The following TASP1 variants were observed in gnomAD, a reference collection of about 807,000 sequenced individuals.
TASP1 encodes the protein threonine aspartase 1.
Under a neutral mutation model 56.6 loss-of-function variants are expected in TASP1, and 16 were observed. The ratio of observed to expected loss-of-function variants is 0.28; its 90% CI spans 0.19 to 0.43. The LOEUF (loss-of-function observed/expected upper bound fraction) is 0.43. Ranked by LOEUF, TASP1 falls within the 20% of genes least tolerant of loss-of-function variation. The probability of loss-of-function intolerance (pLI) is 1.00; values close to 1 mark genes in which losing one functional copy is unlikely to be tolerated. For missense variants in TASP1, 393 were observed against 511.6 expected, an observed-to-expected ratio of 0.77 and a Z score of 2.24; for synonymous variants, 179 against 184.2, an observed-to-expected ratio of 0.97 and a Z score of 0.23.
At chr20:13,411,161 T>G (rs933613932) in intron 13 of TASP1, among the ~76,000 whole-genome samples, 7 of 152,176 alleles carry the variant, frequency 4.6e-5, no homozygotes, top group African/African-American at 1.7e-4. Context: ...TTCTGGATTC[T>G]CTACTCTGTT....
At chr20:13,161,765 T>TA in the TASP1 span, among the ~76,000 whole-genome samples, 3 of 151,992 alleles carry the variant, frequency 2.0e-5, no homozygotes, top group African/African-American at 4.8e-5. Context: ...ACAGAAATAA[T>TA]AAAAAAATAA....
chr20:13,587,231 G>A lies in TASP1; in HGVS notation c.403+19C>T, dbSNP rs1456734885. On this transcript the variant is annotated intron_variant, in intron 5 of 13. Transcript: ENST00000337743. Reference sequence around the variant, plus strand: ...CGTGCATGATTTTCCAAAGATAGTAGGTCATAATGCCCACATACCACTCAG... The same window carrying A: ...CGTGCATGATTTTCCAAAGATAGTAAGTCATAATGCCCACATACCACTCAG... 2 of 1,593,648 alleles carry A rather than the reference G, an allele frequency of 1.3e-6. No individual in the cohort carries two copies. The highest frequency in any genetic ancestry group is 1.7e-6 in the Non-Finnish European group (2 of 1,173,690).
the TASP1 span, among the ~76,000 whole-genome samples, chr20:13,312,743 G>A: frequency 6.6e-6 from 1 of 152,088 alleles, no homozygotes; most frequent in South Asian, 2.1e-4. Context: ...TGCTACTCTG[G>A]GAAATCATCA....
chr20:13,604,853 G>A (rs1366782661), intron 4 of TASP1, among the ~76,000 whole-genome samples: 2 of 152,112 alleles, frequency 1.3e-5, no homozygotes, highest in African/African-American at 4.8e-5. Context: ...ATGGCAAATT[G>A]TTTAGCAGTT....
At chr20:13,381,367 C>T in the TASP1 span, among the ~76,000 whole-genome samples, 31 of 152,296 alleles carry the variant, frequency 2.0e-4, no homozygotes, top group East Asian at 1.4e-3. Context: ...GGTGAGGCTA[C>T]GTGCCACCCT....
At chr20:13,281,053 T>C in the TASP1 span, among the ~76,000 whole-genome samples, 4 of 152,370 alleles carry the variant, frequency 2.6e-5, no homozygotes, top group East Asian at 7.7e-4. Context: ...AGTCATTTCT[T>C]CTCATTAATA....
chr20:13,300,960 C>A, the TASP1 span, among the ~76,000 whole-genome samples: 30 of 152,342 alleles, frequency 2.0e-4, no homozygotes, highest in African/African-American at 6.5e-4. Flanking sequence ...TCTGCAATTA[C>A]AATTATAAGT....
chr20:13,551,653 T>C (rs1473355804), intron 8 of TASP1, among the ~76,000 whole-genome samples: 1 of 152,224 alleles, frequency 6.6e-6, no homozygotes, highest in Non-Finnish European at 1.5e-5. Flanking sequence ...TCTCCTCTTT[T>C]AGCAAGTAAC....
At chr20:13,244,285 T>C in the TASP1 span, 1 of 149,366 alleles carries the variant, frequency 6.7e-6, no homozygotes, top group African/African-American at 2.5e-5. Flanking sequence ...CTGGTTTTCA[T>C]GTGGGCAGAG....
At chr20:13,381,685 C>T in the TASP1 span, among the ~76,000 whole-genome samples, 2 of 152,200 alleles carry the variant, frequency 1.3e-5, no homozygotes, top group Admixed American at 1.3e-4. Flanking sequence ...TCTCCACACT[C>T]TGTTTTAGAT....
the TASP1 span, among the ~76,000 whole-genome samples, chr20:13,272,672 G>A: frequency 6.6e-6 from 1 of 152,170 alleles, no homozygotes; most frequent in African/African-American, 2.4e-5. Flanking sequence ...TGTTTTAATT[G>A]ATAAATTGGA....
At chr20:13,223,578 A>G in the TASP1 span, among the ~76,000 whole-genome samples, 1 of 152,208 alleles carries the variant, frequency 6.6e-6, no homozygotes, top group Non-Finnish European at 1.5e-5. Flanking sequence ...CGCAATTACA[A>G]AACAGTAGAA....
At chr20:13,576,868 T>C (rs1052548230) in intron 6 of TASP1, among the ~76,000 whole-genome samples, 1 of 152,194 alleles carries the variant, frequency 6.6e-6, no homozygotes, top group Non-Finnish European at 1.5e-5. Context: ...CTTTCTCCCA[T>C]ATGTTTTCTC....
chr20:13,441,632 C>A (rs548842223), intron 11 of TASP1, among the ~76,000 whole-genome samples: 157 of 152,212 alleles, frequency 1.0e-3, no homozygotes, highest in African/African-American at 3.6e-3. Context: ...AGGGCCAGGT[C>A]ACAGACAGTG....
chr20:13,134,963 G>A, the TASP1 span, among the ~76,000 whole-genome samples: 1 of 152,132 alleles, frequency 6.6e-6, no homozygotes, highest in African/African-American at 2.4e-5. Flanking sequence ...AATAGGAAAG[G>A]GAGTTTTGCT....
intron 5 of TASP1, 57 bp from the exon 6 acceptor site, chr20:13,581,038 C>A: frequency 1.3e-6 from 2 of 1,528,756 alleles, no homozygotes; most frequent in South Asian, 2.4e-5. Context: ...TTCTAGTTTC[C>A]CACTCAGTTT....
chr20:13,177,207 C>T, the TASP1 span, among the ~76,000 whole-genome samples: 1 of 151,906 alleles, frequency 6.6e-6, no homozygotes, highest in Non-Finnish European at 1.5e-5. Context: ...TGCCACTGCA[C>T]TCCAGCCTGG....
chr20:13,390,674 A>C (rs1568735718), intron 13 of TASP1, among the ~76,000 whole-genome samples: 1 of 152,230 alleles, frequency 6.6e-6, no homozygotes, highest in Non-Finnish European at 1.5e-5. Context: ...CATGCCAAGC[A>C]CAGCACTAGC....
At chr20:13,489,521 T>TA (rs148176387) in intron 10 of TASP1, among the ~76,000 whole-genome samples, 6,523 of 148,862 alleles carry the variant, frequency 0.044, 248 homozygotes, top group African/African-American at 0.095. Context: ...TGGGAAAAAT[T>TA]AAAAAAAAAG....
Sources: gnomAD v4.1 joint callset for allele counts (sites outside exome capture counted in the v4.1 genomes callset) on GRCh38, gnomAD v4.1.1 for gene constraint, MANE v1.5 for transcripts, NCBI Gene and HGNC (gene_info 2026-07-23, HGNC 2026-07-21) for gene names.